Variants in NEURL1B observed in about 807,000 individuals in gnomAD.
NEURL1B encodes E3 ubiquitin-protein ligase NEURL1B.
Under a neutral mutation model 37.4 loss-of-function variants are expected in NEURL1B, and 13 were observed. The observed-to-expected ratio is 0.35, with a 90% CI of 0.23 to 0.55. NEURL1B has a LOEUF of 0.55. NEURL1B is among the 20% of genes least tolerant of loss of function. The pLI is 0.89. For synonymous variants in NEURL1B, 432 were observed against 426.6 expected (o/e 1.01, Z -0.16); for missense variants, 790 against 879.2 (o/e 0.90, Z 1.28).
At chr5:172,643,771 C>T (rs1016467107) in intron 1 of NEURL1B, among the ~76,000 whole-genome samples, 10 of 152,178 alleles carry the variant, frequency 6.6e-5, no homozygotes, top group Non-Finnish European at 1.0e-4. Flanking sequence ...AGGACACATG[C>T]GTGGGGTTCT....
At position 172,685,692 on chromosome 5, in the gene NEURL1B, T is replaced by C. The variant is rs372892387; in HGVS notation, c.1298-479T>C. ...CTCTCTTTCCAACTCAAAGCTCTGC[T>C]TGCCTCTGTGTTGGCATCACTCTCA... On this transcript the variant is annotated intron_variant, in intron 3 of 4. Coordinates refer to ENST00000369800, the MANE Select transcript of NEURL1B (RefSeq NM_001142651.3). 4.5e-4 allele frequency among the ~76,000 whole-genome samples: 69 copies of C among 152,386 alleles called. 1 individual carries two copies. The highest frequency in any genetic ancestry group is 1.6e-3 in the African/African-American group (67 of 41,588).
chr5:172,650,996 A>G (rs1318779400), intron 1 of NEURL1B, among the ~76,000 whole-genome samples: 1 of 152,216 alleles, frequency 6.6e-6, no homozygotes, highest in African/African-American at 2.4e-5. Context: ...GCAGGTGATC[A>G]GAATGAGTTA....
At position 172,641,405 on chromosome 5, in the gene NEURL1B, C is replaced by A; in HGVS notation, c.-2C>A. On this transcript the variant is annotated 5_prime_UTR_variant, in exon 1 of 5. Transcript: ENST00000369800. This position sits in a 1 kb window ranked among gnomAD's most constrained non-coding sequence, Gnocchi z 6.4. Reference sequence around the variant, plus strand: ...GCCGCCAACGCCGCGCCCGACGCAGCGATGGGCAACACGGTGCACCGGACC... The same window carrying A: ...GCCGCCAACGCCGCGCCCGACGCAGAGATGGGCAACACGGTGCACCGGACC... 1 of 1,371,602 alleles carries A rather than the reference C, an allele frequency of 7.3e-7. No individual in the cohort carries two copies. The highest frequency in any genetic ancestry group is 1.7e-5 in the South Asian group (1 of 60,058). The allele number at this position is 1,371,602 out of a possible 1,614,324, so 85.0% of individuals were successfully genotyped here.
In NEURL1B at chr5:172,679,824, C is replaced by T. The variant is rs543740089; in HGVS notation, c.578-3595C>T. Among the ~76,000 whole-genome samples the T allele has an allele frequency of 4.6e-5, 7 of 152,318 alleles. No homozygotes were observed. In the East Asian group the frequency reaches 1.4e-3, roughly 29 times the overall value. ...TATCTCCAGGTCGCAGCCTGTTGAT[C>T]AGTCAGGGAGGCCTTTTCTGGCCTT... On this transcript the variant is annotated intron_variant, in intron 2 of 4. Coordinates refer to ENST00000369800, the MANE Select transcript of NEURL1B (RefSeq NM_001142651.3).
At position 172,670,299 on chromosome 5, in the gene NEURL1B, C is replaced by T. The variant is rs1419266405; in HGVS notation, c.546C>T (p.Val182=). ...GCCCGCTCTGGGCGCTCATTGATGTCTACGGCATCACCGACGAGGTGCAGC... is the reference window on the plus strand; with the variant it reads ...GCCCGCTCTGGGCGCTCATTGATGTTTACGGCATCACCGACGAGGTGCAGC... ...VGGPLWALID[V]YGITDEVQLL... Residue 182 remains valine, a synonymous_variant, in exon 2 of 5, where the codon GTC becomes GTT. Transcript: ENST00000369800. The T allele has an allele frequency of 7.3e-7, 1 of 1,374,174 alleles. No homozygotes were observed. The highest frequency in any genetic ancestry group is 3.1e-5 in the East Asian group (1 of 32,766). 85.1% of individuals were successfully genotyped at this position (1,374,174 alleles called of 1,614,324 possible). A position where few individuals can be genotyped will look rare whatever the true frequency, so the allele number is the denominator to read the frequency against.
chr5:172,648,669 C>T (rs550860963), intron 1 of NEURL1B, among the ~76,000 whole-genome samples: 1 of 152,374 alleles, frequency 6.6e-6, no homozygotes, highest in South Asian at 2.1e-4. Context: ...TTCCCATTTG[C>T]ACTGGAAGCC....
In NEURL1B at chr5:172,686,263, A is replaced by AACCAGTCC; in HGVS notation, c.1391_1398dup (p.Ser467ThrfsTer12). The AACCAGTCC allele has an allele frequency of 6.4e-7, 1 of 1,551,710 alleles. No homozygotes were observed. The highest frequency in any genetic ancestry group is 8.7e-7 in the Non-Finnish European group (1 of 1,146,996). The stretch of plus-strand genomic sequence containing the variant: ...TGATTCAGATATGACCTTCAGTGTC[A>AACCAGTCC]ACCAGTCCTCCTCGGCATCTGAGTC... On this transcript the variant is annotated frameshift_variant, in exon 4 of 5. Coordinates refer to ENST00000369800, the MANE Select transcript of NEURL1B (RefSeq NM_001142651.3). LOFTEE classifies it high-confidence loss of function. The surrounding 1 kb of genome is among the most constrained non-coding windows in gnomAD (Gnocchi z 7.9).
At chr5:172,684,188 T>C (rs905173011) in intron 3 of NEURL1B, 50 bp downstream of exon 3, 6 of 1,092,808 alleles carry the variant, frequency 5.5e-6, no homozygotes, top group African/African-American at 5.3e-5. Flanking sequence ...CCCCGTCCCG[T>C]GCCGTCTCAC....
At position 172,687,498 on chromosome 5, in the gene NEURL1B, A is replaced by AT. The variant is rs1489289420; in HGVS notation, c.*577dup. 1 of 152,270 alleles carries AT rather than the reference A, an allele frequency of 6.6e-6. No homozygotes were observed. The highest frequency in any genetic ancestry group is 1.5e-5 in the Non-Finnish European group (1 of 68,220). The allele number at this position is 152,270 out of a possible 1,614,324, so 9.4% of individuals were successfully genotyped here. A position where few individuals can be genotyped will look rare whatever the true frequency, so the allele number is the denominator to read the frequency against. ...GGTGGTGTAGAAAAGAGATGCTCAG[A>AT]TTTTCTAAGGGGAGGCAAAAATAAC... is the stretch of plus-strand genomic sequence containing the variant. On this transcript the variant is annotated 3_prime_UTR_variant, in exon 5 of 5. Transcript: ENST00000369800.
rs1425038470 is a variant in NEURL1B, at chr5:172,641,366, G to T, written c.-41G>T. On this transcript the variant is annotated 5_prime_UTR_variant, in exon 1 of 5. Coordinates refer to ENST00000369800, the MANE Select transcript of NEURL1B (RefSeq NM_001142651.3). The surrounding 1 kb of genome is among the most constrained non-coding windows in gnomAD (Gnocchi z 6.4). ...CCCGCCGCGTAATTAGCCTCCGCGCGCCCAGAGCGCGCCGCCGCCAACGCC... is the reference window on the plus strand; with the variant it reads ...CCCGCCGCGTAATTAGCCTCCGCGCTCCCAGAGCGCGCCGCCGCCAACGCC... 10 of 1,381,532 alleles carry T rather than the reference G, an allele frequency of 7.2e-6. No homozygotes were observed. The highest frequency in any genetic ancestry group is 1.6e-5 in the South Asian group (1 of 62,370). The allele number at this position is 1,381,532 out of a possible 1,614,324, so 85.6% of individuals were successfully genotyped here. A position where few individuals can be genotyped will look rare whatever the true frequency, so the allele number is the denominator to read the frequency against.
chr5:172,657,382 A>C lies in NEURL1B; in HGVS notation c.32-12403A>C, dbSNP rs1264652432. Among the ~76,000 whole-genome samples the C allele has an allele frequency of 6.6e-6, 1 of 152,268 alleles. No individual in the cohort carries two copies. The highest frequency in any genetic ancestry group is 1.5e-5 in the Non-Finnish European group (1 of 68,040). On this transcript the variant is annotated intron_variant, in intron 1 of 4. Transcript: ENST00000369800. This position sits in a 1 kb window ranked among gnomAD's most constrained non-coding sequence, Gnocchi z 4.0. ...GACTGAAGGCACAAACTGTTTCAGT[A>C]TAATAAAGAAAATGGTTAGAATAAG... is the stretch of plus-strand genomic sequence containing the variant.
intron 1 of NEURL1B, among the ~76,000 whole-genome samples, chr5:172,656,315 C>T (rs553401015): frequency 5.3e-5 from 8 of 151,874 alleles, no homozygotes; most frequent in East Asian, 1.9e-4. Flanking sequence ...AGGAGATAAT[C>T]GAAAAAGGTT....
intron 2 of NEURL1B, among the ~76,000 whole-genome samples, chr5:172,672,529 G>A (rs1415490152): frequency 8.1e-6 from 1 of 123,928 alleles, no homozygotes; most frequent in Non-Finnish European, 1.6e-5. Flanking sequence ...ATAAATCTGT[G>A]AGGTGAACTC....
chr5:172,673,178 A>G (rs919017365), intron 2 of NEURL1B, among the ~76,000 whole-genome samples: 8 of 152,198 alleles, frequency 5.3e-5, no homozygotes, highest in African/African-American at 9.6e-5. Context: ...ATGATTTTGT[A>G]TGGTTTAAGT....
rs367756183 is a variant in NEURL1B at position 172,687,015 on chromosome 5, C to T, written c.*90C>T. 216 of 1,409,084 alleles carry T rather than the reference C, an allele frequency of 1.5e-4. 1 individual carries two copies. In the African/African-American group the frequency reaches 1.9e-3, roughly 13 times the overall value. 87.3% of individuals were successfully genotyped at this position (1,409,084 alleles called of 1,614,324 possible). A position where few individuals can be genotyped will look rare whatever the true frequency, so the allele number is the denominator to read the frequency against. ...AACCACATGGCTGCCAGGGAGTCCA[C>T]GGGCAGCGGCCATCTCTCCAGTGGT... On this transcript the variant is annotated 3_prime_UTR_variant, in exon 5 of 5. Transcript: ENST00000369800.
chr5:172,666,845 C>T lies in NEURL1B; in HGVS notation c.32-2940C>T, dbSNP rs543676782. Among the ~76,000 whole-genome samples the T allele has an allele frequency of 3.3e-4, 50 of 152,184 alleles. 1 individual carries two copies. In the South Asian group the frequency reaches 0.01, roughly 31 times the overall value. On this transcript the variant is annotated intron_variant, in intron 1 of 4. Transcript: ENST00000369800. ...TCAGGGGAGGCCTGGCCAGAAGAGC[C>T]CAAGAAAGGGTTTTCTGCCCTGACC...
At chr5:172,684,697 G>A (rs1397808649) in intron 3 of NEURL1B, among the ~76,000 whole-genome samples, 1 of 152,198 alleles carries the variant, frequency 6.6e-6, no homozygotes, top group South Asian at 2.1e-4. Flanking sequence ...GCCACAAATA[G>A]GCAGGAGCAG....
rs1298396396 is a variant in NEURL1B at position 172,672,866 on chromosome 5, TTTAC to T, written c.577+2539_577+2542del. Reference sequence around the variant, plus strand: ...ATGGGTGATGAGATAATGGGTGAATTTTACTTCCTTATATCTCTGAGTCACCTTT... The same window carrying T: ...ATGGGTGATGAGATAATGGGTGAATTTTCCTTATATCTCTGAGTCACCTTT... On this transcript the variant is annotated intron_variant, in intron 2 of 4. Transcript: ENST00000369800. Among the ~76,000 whole-genome samples the T allele has an allele frequency of 5.9e-5, 9 of 152,200 alleles. No homozygotes were observed. The East Asian group carries it at 1.7e-3, about 29-fold the overall frequency.
rs935577963 is a variant in NEURL1B, at chr5:172,684,146, C to G, written c.1297+8C>G. 7 of 1,231,952 alleles carry G rather than the reference C, an allele frequency of 5.7e-6. No homozygotes were observed. In the African/African-American group the frequency reaches 7.9e-5, roughly 14 times the overall value. 76.3% of individuals were successfully genotyped at this position (1,231,952 alleles called of 1,614,324 possible). On this transcript the variant is annotated splice_region_variant and intron_variant, in intron 3 of 4. Coordinates refer to ENST00000369800, the MANE Select transcript of NEURL1B (RefSeq NM_001142651.3). ...GCCAGCTGCGTCTCCTCGGTGAGTC[C>G]CCGGCCCCGCGTGCGCGAGGCCCCG...
Sources: gnomAD v4.1 joint callset for allele counts (sites outside exome capture counted in the v4.1 genomes callset) on GRCh38, gnomAD v4.1.1 for gene constraint, Gnocchi (gnomAD v3.1) non-coding constraint, MANE v1.5 for transcripts, NCBI Gene and HGNC (gene_info 2026-07-23, HGNC 2026-07-21) for gene names.